Variants in HROB observed in about 807,000 individuals in gnomAD.
HROB encodes homologous recombination OB-fold protein.
HROB carries 44 observed loss-of-function variants against 61.0 expected under a neutral mutation model. The ratio of observed to expected loss-of-function variants is 0.72; its 90% CI spans 0.57 to 0.93. The LOEUF (loss-of-function observed/expected upper bound fraction) is 0.93. Ranked by LOEUF, HROB falls within the 40% of genes least tolerant of loss-of-function variation. The pLI is 0.00. For missense variants in HROB, 716 were observed against 796.2 expected, an observed-to-expected ratio of 0.90 and a Z score of 1.21; for synonymous variants, 301 against 310.4, an observed-to-expected ratio of 0.97 and a Z score of 0.32.
chr17:44,152,677 G>T lies in HROB; in HGVS notation c.1349G>T (p.Gly450Val). 6.2e-7 allele frequency: 1 copy of T among 1,614,164 alleles called. No individual in the cohort carries two copies. Among genetic ancestry groups the T allele is most frequent in the Non-Finnish European group, 8.5e-7 (1 of 1,180,044 alleles). ...SSQASVEEDF[G>V]RGPWLTMKST... ...CAGGCATCTGTGGAGGAGGATTTTG[G>T]GCGAGGGCCCTGGCTGACCATGAAA... Residue 450 changes from glycine (G) to valine (V), a missense_variant, in exon 5 of 10, where the codon GGG becomes GTG. Gly to Val is a moderately radical substitution (Grantham distance 109). Coordinates refer to ENST00000585683, the MANE Select transcript of HROB (RefSeq NM_001171251.3).
At chr17:44,150,474 C>A (rs1446314046) in intron 3 of HROB, among the ~76,000 whole-genome samples, 1 of 151,988 alleles carries the variant, frequency 6.6e-6, no homozygotes, top group Admixed American at 6.6e-5. Context: ...ACTGCAACCT[C>A]CACCTCCCAG....
At chr17:44,142,671 T>C (rs1218174588) in intron 1 of HROB, among the ~76,000 whole-genome samples, 1 of 151,846 alleles carries the variant, frequency 6.6e-6, no homozygotes, top group Non-Finnish European at 1.5e-5. Flanking sequence ...GGTTTGACAC[T>C]CATCAGGAAC....
intron 5 of HROB, 112 bp from the exon 6 acceptor site, chr17:44,154,444 C>T: frequency 1.1e-6 from 1 of 939,326 alleles, no homozygotes; most frequent in Non-Finnish European, 1.7e-6. Context: ...AAGATCATCA[C>T]TATAACTATA....
At position 44,157,570 on chromosome 17, in the gene HROB, T is replaced by C. The variant is rs1382302896; in HGVS notation, c.1771-263T>C. Among the ~76,000 whole-genome samples the C allele has an allele frequency of 3.9e-5, 6 of 151,984 alleles. No individual in the cohort carries two copies. The South Asian group carries it at 1.2e-3, about 32-fold the overall frequency. ...CTAGGATTACAGGCGTGTGCCACCA[T>C]GCCCGGCTCTGTTTTTGTATTTTTA... is the stretch of plus-strand genomic sequence containing the variant. On this transcript the variant is annotated intron_variant, in intron 8 of 9. Coordinates refer to ENST00000585683, the MANE Select transcript of HROB (RefSeq NM_001171251.3).
intron 2 of HROB, among the ~76,000 whole-genome samples, chr17:44,147,054 A>T (rs1324444887): frequency 6.6e-6 from 1 of 151,772 alleles, no homozygotes; most frequent in South Asian, 2.1e-4. Context: ...TGTGTGAGAG[A>T]GAGAGAGAGA....
rs199910134 is a variant in HROB at position 44,148,078 on chromosome 17, G to A, written c.275G>A (p.Arg92His). ...PASSTPSADS[R>H]PSCIGAAPLR... Reference sequence around the variant, plus strand: ...TCCAGCACGCCCAGTGCTGACAGCCGTCCATCATGCATAGGAGCAGCTCCC... The same window carrying A: ...TCCAGCACGCCCAGTGCTGACAGCCATCCATCATGCATAGGAGCAGCTCCC... The change falls in exon 3 of 10, where the codon CGT (arginine) becomes CAT (histidine). Residue 92 changes from arginine (R) to histidine (H), a missense_variant. Coordinates refer to ENST00000585683, the MANE Select transcript of HROB (RefSeq NM_001171251.3). 1.1e-4 allele frequency: 170 copies of A among 1,614,122 alleles called. No homozygotes were observed. The Middle Eastern group carries it at 3.8e-3, about 36-fold the overall frequency.
At chr17:44,152,100 C>G (rs1168220180) in intron 4 of HROB, among the ~76,000 whole-genome samples, 1 of 152,052 alleles carries the variant, frequency 6.6e-6, no homozygotes, top group African/African-American at 2.4e-5. Flanking sequence ...CCGCCTTGGC[C>G]TCCCAAAGTG....
In HROB at chr17:44,145,190, T is replaced by C. The variant is rs185548039; in HGVS notation, c.4-13T>C. 5 of 1,613,860 alleles carry C rather than the reference T, an allele frequency of 3.1e-6. No individual in the cohort carries two copies. In the African/African-American group the frequency reaches 4.0e-5, roughly 13 times the overall value. On this transcript the variant is annotated splice_polypyrimidine_tract_variant and intron_variant, in intron 1 of 9. Coordinates refer to ENST00000585683, the MANE Select transcript of HROB (RefSeq NM_001171251.3). ...GGTATTTCTCAACCCCAGTTGGTTTTTTTTCTTTTCAGGCGTGCAGTTTGC... is the reference window on the plus strand; with the variant it reads ...GGTATTTCTCAACCCCAGTTGGTTTCTTTTCTTTTCAGGCGTGCAGTTTGC...
At chr17:44,152,809 A>G (rs201842509) in intron 5 of HROB, 32 bp downstream of exon 5, 65 of 1,605,876 alleles carry the variant, frequency 4.0e-5, no homozygotes, top group Non-Finnish European at 5.4e-5. Context: ...ACCCAAAGGA[A>G]AGACCATTTT....
chr17:44,150,562 G>A (rs1356936573), intron 3 of HROB, among the ~76,000 whole-genome samples: 2 of 151,964 alleles, frequency 1.3e-5, no homozygotes, highest in Non-Finnish European at 2.9e-5. Context: ...GCTAATTTTT[G>A]TATTTTTGGT....
chr17:44,152,552 C>T, intron 4 of HROB, 85 bp from the exon 5 acceptor site: 2 of 1,478,180 alleles, frequency 1.4e-6, no homozygotes, highest in South Asian at 1.3e-5. Context: ...CCTTTCCTCT[C>T]TCACCCTTCC....
At chr17:44,152,440 GAA>G (rs2053842585) in intron 4 of HROB, among the ~76,000 whole-genome samples, 195 bp from the exon 5 acceptor site, 1 of 150,038 alleles carries the variant, frequency 6.7e-6, no homozygotes. Flanking sequence ...AAAAAAAAAA[GAA>G]AAAGAGAAAA....
intron 5 of HROB, among the ~76,000 whole-genome samples, chr17:44,153,965 TTGAACCCA>T (rs1189152216): frequency 6.6e-6 from 1 of 152,092 alleles, no homozygotes; most frequent in Non-Finnish European, 1.5e-5. Context: ...GGAGCATCGC[TTGAACCCA>T]GAGGCGGAGG....
At chr17:44,152,277 G>T (rs915512978) in intron 4 of HROB, among the ~76,000 whole-genome samples, 2 of 151,964 alleles carry the variant, frequency 1.3e-5, no homozygotes, top group Admixed American at 1.3e-4. Flanking sequence ...ACCGCGTCTG[G>T]CCCAGGAGCT....
chr17:44,146,864 C>A (rs1598086723), intron 2 of HROB, among the ~76,000 whole-genome samples: 1 of 152,238 alleles, frequency 6.6e-6, no homozygotes, highest in Non-Finnish European at 1.5e-5. Context: ...GACTCAAAAC[C>A]ACCCTCAGAA....
At chr17:44,153,904 C>T (rs1211150120) in intron 5 of HROB, among the ~76,000 whole-genome samples, 1 of 151,450 alleles carries the variant, frequency 6.6e-6, no homozygotes, top group Non-Finnish European at 1.5e-5. Flanking sequence ...AAAAATTAGC[C>T]AGGCTTGGTG....
At chr17:44,144,741 CTTTT>C (rs5820524) in intron 1 of HROB, among the ~76,000 whole-genome samples, 4 of 128,914 alleles carry the variant, frequency 3.1e-5, no homozygotes, top group African/African-American at 9.0e-5. Flanking sequence ...ATACTTGGGT[CTTTT>C]TTTTTTTTTT....
chr17:44,143,570 G>A (rs1457517955), intron 1 of HROB, among the ~76,000 whole-genome samples: 1 of 152,032 alleles, frequency 6.6e-6, no homozygotes, highest in Non-Finnish European at 1.5e-5. Context: ...CTTGAACCTG[G>A]AAGGTGGAGG....
At position 44,157,942 on chromosome 17, in the gene HROB, G is replaced by A. The variant is rs1220148862; in HGVS notation, c.1879+1G>A. ...CCTGAGGAAGAACTCCCAGAAGCAG[G>A]TAAAGCAGTCAGCCCATCTGGGAGC... is the stretch of plus-strand genomic sequence containing the variant. On this transcript the variant is annotated splice_donor_variant, in intron 9 of 9. Coordinates refer to ENST00000585683, the MANE Select transcript of HROB (RefSeq NM_001171251.3). LOFTEE classifies it high-confidence loss of function. 2 of 1,610,716 alleles carry A rather than the reference G, an allele frequency of 1.2e-6. No homozygotes were observed. The highest frequency in any genetic ancestry group is 1.7e-6 in the Non-Finnish European group (2 of 1,177,768).
Sources: allele counts gnomAD v4.1 joint callset (sites outside exome capture counted in the v4.1 genomes callset), GRCh38; gene constraint gnomAD v4.1.1; transcripts MANE v1.5; gene names NCBI Gene and HGNC (gene_info 2026-07-23, HGNC 2026-07-21).